The following MDGA2 variants were observed in gnomAD, a reference collection of about 807,000 sequenced individuals.
MDGA2 encodes the protein MAM domain containing glycosylphosphatidylinositol anchor 2, also known as MAM domain-containing glycosylphosphatidylinositol anchor protein 2.
In MDGA2, 40 loss-of-function variants were observed where a neutral mutation model predicts 117.8. The ratio of observed to expected loss-of-function variants is 0.34; its 90% CI spans 0.26 to 0.44. The LOEUF (loss-of-function observed/expected upper bound fraction) is 0.44. Ranked by LOEUF, MDGA2 falls within the 20% of genes least tolerant of loss-of-function variation. The pLI is 1.00. For missense variants in MDGA2, 1,123 were observed against 1,250.6 expected (o/e 0.90, Z 1.54); for synonymous variants, 452 against 439.0 (o/e 1.03, Z -0.37).
chr14:47,073,056 A>C (rs1013805188), intron 6 of MDGA2, among the ~76,000 whole-genome samples: 6 of 152,168 alleles, frequency 3.9e-5, no homozygotes, highest in Non-Finnish European at 7.3e-5. Context: ...AAAAACACTT[A>C]TTATTTCCAG....
intron 1 of MDGA2, among the ~76,000 whole-genome samples, chr14:47,313,635 C>T (rs1357214324): frequency 5.3e-5 from 8 of 152,068 alleles, no homozygotes; most frequent in Non-Finnish European, 8.8e-5. Flanking sequence ...TATACATGTT[C>T]AATGTTGTTC....
intron 1 of MDGA2, among the ~76,000 whole-genome samples, chr14:47,416,630 G>A (rs928581717): frequency 3.3e-5 from 5 of 152,172 alleles, no homozygotes; most frequent in Non-Finnish European, 7.3e-5. Flanking sequence ...GGCCCTCTGA[G>A]TGAGGCTCCA....
intron 5 of MDGA2, among the ~76,000 whole-genome samples, chr14:47,125,533 CTCTA>C (rs1881857884): frequency 2.0e-5 from 3 of 151,132 alleles, no homozygotes; most frequent in African/African-American, 4.9e-5. Flanking sequence ...GTTTCTTGAC[CTCTA>C]TCTTTTTCCA....
rs548793237 is a variant in MDGA2, at chr14:46,960,876, T to A, written c.1820-3233A>T. On this transcript the variant is annotated intron_variant, in intron 8 of 16. Transcript: ENST00000399232. Reference sequence around the variant, plus strand: ...TATTTTAATATTTTATATATACACATGTTTTATATATACATATATGTATAT... The same window carrying A: ...TATTTTAATATTTTATATATACACAAGTTTTATATATACATATATGTATAT... 3.9e-3 allele frequency among the ~76,000 whole-genome samples: 582 copies of A among 147,612 alleles called. 8 individuals carry two copies. Among genetic ancestry groups the A allele is most frequent in the African/African-American group, 0.014 (570 of 40,522 alleles).
chr14:47,657,834 A>G (rs1421379068), intron 1 of MDGA2, among the ~76,000 whole-genome samples: 1 of 152,176 alleles, frequency 6.6e-6, no homozygotes. Context: ...CTTGGAGATG[A>G]TACTCTTAAA....
chr14:47,107,389 TC>T (rs1880766107), intron 5 of MDGA2, among the ~76,000 whole-genome samples: 1 of 152,050 alleles, frequency 6.6e-6, no homozygotes, highest in African/African-American at 2.4e-5. Context: ...TACTCTCCTA[TC>T]CTCAATACCT....
intron 1 of MDGA2, among the ~76,000 whole-genome samples, chr14:47,639,071 T>C (rs72673213): frequency 0.16 from 24,192 of 152,120 alleles, 2,013 homozygotes; most frequent in East Asian, 0.25. Context: ...ACAGAAAGTC[T>C]TCCCTGGCTA....
At position 47,097,021 on chromosome 14, in the gene MDGA2, G is replaced by C; in HGVS notation, c.1028C>G (p.Ser343Cys). Reference sequence around the variant, plus strand: ...CCCAAAGGACCTGACCCAGGTGAGAGAAGGTGCAGGCTCTCCTCCTGTTGT... The same window carrying C: ...CCCAAAGGACCTGACCCAGGTGAGACAAGGTGCAGGCTCTCCTCCTGTTGT... ...CVTTGGEPAPSLTWVRSFGTL... is the reference protein window; with the variant it reads ...CVTTGGEPAPCLTWVRSFGTL... The change falls in exon 6 of 17, where the codon TCT becomes TGT. Residue 343 changes from serine to cysteine, a missense_variant. Ser to Cys is a moderately radical substitution (Grantham distance 112). Around this residue, in one of 2 missense-constraint regions of MDGA2, gnomAD observed 890 missense variants for 1,050.3 expected, o/e 0.85. Transcript: ENST00000399232. 6.2e-7 allele frequency: 1 copy of C among 1,613,372 alleles called. No individual in the cohort carries two copies. The highest frequency in any genetic ancestry group is 1.3e-5 in the African/African-American group (1 of 75,002).
At chr14:46,898,298 G>C (rs1883158537) in intron 10 of MDGA2, among the ~76,000 whole-genome samples, 1 of 152,072 alleles carries the variant, frequency 6.6e-6, no homozygotes, top group Non-Finnish European at 1.5e-5. Flanking sequence ...GATGGTGGTA[G>C]ATATGAATAA....
intron 3 of MDGA2, among the ~76,000 whole-genome samples, chr14:47,169,895 C>A (rs942421737): frequency 2.0e-5 from 3 of 152,034 alleles, no homozygotes; most frequent in Non-Finnish European, 4.4e-5. Flanking sequence ...TGAGAAAACT[C>A]ACCCAGAAAT....
At chr14:47,540,540 G>GTGTGTGTATATATATATATA in intron 1 of MDGA2, among the ~76,000 whole-genome samples, 43 of 79,182 alleles carry the variant, frequency 5.4e-4, no homozygotes, top group African/African-American at 1.6e-3. Flanking sequence ...GTGTGTGTGT[G>GTGTGTGTATATATATATATA]TATATATATA....
chr14:47,095,588 G>T (rs559299251), intron 6 of MDGA2, among the ~76,000 whole-genome samples: 33 of 151,746 alleles, frequency 2.2e-4, no homozygotes, highest in African/African-American at 7.5e-4. Context: ...CTGGCAGTAT[G>T]TTTTATTTTG....
intron 1 of MDGA2, among the ~76,000 whole-genome samples, chr14:47,487,205 A>C (rs1195329720): frequency 6.6e-6 from 1 of 152,208 alleles, no homozygotes; most frequent in Non-Finnish European, 1.5e-5. Flanking sequence ...TGCTTTATTC[A>C]TATCTTCCTG....
intron 1 of MDGA2, among the ~76,000 whole-genome samples, chr14:47,338,424 C>CATAT (rs71448195): frequency 1.0e-4 from 15 of 150,130 alleles, no homozygotes; most frequent in Admixed American, 1.3e-4. Flanking sequence ...ATAATGTCCT[C>CATAT]ATATATATAT....
At chr14:47,051,286 T>C (rs1889448834) in intron 7 of MDGA2, among the ~76,000 whole-genome samples, 1 of 151,860 alleles carries the variant, frequency 6.6e-6, no homozygotes, top group East Asian at 1.9e-4. Context: ...TGCTAATAAT[T>C]AAGACATGTA....
At chr14:47,605,228 C>CCA (rs1209048337) in intron 1 of MDGA2, among the ~76,000 whole-genome samples, 1 of 152,004 alleles carries the variant, frequency 6.6e-6, no homozygotes, top group Non-Finnish European at 1.5e-5. Context: ...GACCAGGACC[C>CCA]CATGAATTCA....
intron 2 of MDGA2, among the ~76,000 whole-genome samples, chr14:47,242,888 G>GTC (rs1887104830): frequency 6.6e-6 from 1 of 151,858 alleles, no homozygotes; most frequent in Non-Finnish European, 1.5e-5. Context: ...GATCCACTAG[G>GTC]TGAAGCCAGC....
At chr14:47,051,600 C>G (rs1320726659) in intron 7 of MDGA2, among the ~76,000 whole-genome samples, 1 of 151,776 alleles carries the variant, frequency 6.6e-6, no homozygotes, top group African/African-American at 2.4e-5. Flanking sequence ...AATCATAGTT[C>G]TAGCTATTTG....
At chr14:47,040,334 TTTTC>T (rs77180148) in intron 7 of MDGA2, among the ~76,000 whole-genome samples, 30,410 of 151,734 alleles carry the variant, frequency 0.2, 3,101 homozygotes, top group Admixed American at 0.29. Context: ...ATAAATTTTA[TTTTC>T]TTTATTTCCC....
Sources: gnomAD v4.1 joint callset for allele counts (sites outside exome capture counted in the v4.1 genomes callset) on GRCh38, gnomAD v4.1.1 for gene constraint, gnomAD v4.1.1 regional missense constraint, MANE v1.5 for transcripts, NCBI Gene and HGNC (gene_info 2026-07-23, HGNC 2026-07-21) for gene names.